Variants in PCDHA10 observed in about 807,000 individuals in gnomAD.
PCDHA10 encodes protocadherin alpha 10.
A neutral mutation model predicts 61.2 loss-of-function variants in PCDHA10; 45 were observed. That is an observed-to-expected ratio of 0.74 (90% CI 0.58 to 0.94). The LOEUF is 0.94. Among genes scored for constraint, PCDHA10 ranks in the 40% least tolerant of loss-of-function variants. The probability of loss-of-function intolerance (pLI) is 0.00; values close to 1 mark genes in which losing one functional copy is unlikely to be tolerated. For synonymous variants in PCDHA10, 602 were observed against 548.8 expected, an observed-to-expected ratio of 1.10 and a Z score of -1.35; for missense variants, 1,278 against 1,236.2, an observed-to-expected ratio of 1.03 and a Z score of -0.51.
At chr5:140,971,743 A>G (rs979953004) in intron 1 of PCDHA10, among the ~76,000 whole-genome samples, 1 of 151,474 alleles carries the variant, frequency 6.6e-6, no homozygotes, top group African/African-American at 2.4e-5. Flanking sequence ...ACACATACAT[A>G]TATCTCATAT....
At chr5:140,882,699 A>C in intron 1 of PCDHA10, 3 of 1,614,184 alleles carry the variant, frequency 1.9e-6, no homozygotes, top group South Asian at 1.1e-5. Context: ...ATCATTGCAG[A>C]ATCTAGACCT....
At chr5:140,982,691 C>G in intron 3 of PCDHA10, 128 bp downstream of exon 3, 1 of 1,408,152 alleles carries the variant, frequency 7.1e-7, no homozygotes, top group Non-Finnish European at 9.3e-7. Flanking sequence ...TTTTTCCATA[C>G]ATACATGATT....
At chr5:141,006,085 C>T (rs1588120524) in intron 3 of PCDHA10, among the ~76,000 whole-genome samples, 1 of 148,094 alleles carries the variant, frequency 6.8e-6, no homozygotes, top group African/African-American at 2.5e-5. Context: ...ATTGAAGGGA[C>T]TTATGTATCA....
In PCDHA10 at chr5:140,857,269, G is replaced by T. The variant is rs375802816; in HGVS notation, c.1221G>T (p.Val407=). 8.1e-6 allele frequency: 13 copies of T among 1,598,726 alleles called. 1 individual carries two copies. The highest frequency in any genetic ancestry group is 1.1e-5 in the South Asian group (1 of 90,558). Residue 407 remains valine (V), a synonymous_variant, in exon 1 of 4, where the codon GTG becomes GTT. Coordinates refer to ENST00000307360, the MANE Select transcript of PCDHA10 (RefSeq NM_018901.4). ...CCTACAAGAATTACTACTCATTGGT[G>T]CTGGACAGCGCTCTGGACCGCGAGA... is the stretch of plus-strand genomic sequence containing the variant. ...VSTYKNYYSL[V]LDSALDRERV... is the part of the protein sequence containing the mutation.
chr5:140,926,890 A>C, intron 1 of PCDHA10: 2 of 1,543,874 alleles, frequency 1.3e-6, no homozygotes, highest in Non-Finnish European at 1.7e-6. Context: ...GCCTAGAGGG[A>C]GGATGGTGGG....
intron 1 of PCDHA10, among the ~76,000 whole-genome samples, chr5:140,959,348 G>A (rs991931151): frequency 7.2e-5 from 11 of 151,992 alleles, no homozygotes; most frequent in Middle Eastern, 6.3e-3. Flanking sequence ...GCACTCCAGC[G>A]GGACAACTGA....
Position 140,857,158 on chromosome 5 carries a change from A to G in PCDHA10, c.1110A>G (p.Leu370=). The G allele has an allele frequency of 6.3e-7, 1 of 1,598,190 alleles. No individual in the cohort carries two copies. Among genetic ancestry groups the G allele is most frequent in the East Asian group, 2.2e-5 (1 of 44,846 alleles). Residue 370 remains leucine (L), a synonymous_variant, in exon 1 of 4, where the codon CTA becomes CTG. Transcript: ENST00000307360. ...CTCAAGTGGGCACCGTCATTGCCCTAATCAGCGTTTCTGACCATGATTCAG... is the reference window on the plus strand; with the variant it reads ...CTCAAGTGGGCACCGTCATTGCCCTGATCAGCGTTTCTGACCATGATTCAG... ...EDAQVGTVIA[L]ISVSDHDSGA... is the part of the protein sequence containing the mutation.
rs150142414 is a variant in PCDHA10, at chr5:140,941,961, T to C, written c.2389-36988T>C. 4.6e-3 allele frequency among the ~76,000 whole-genome samples: 702 copies of C among 152,326 alleles called. 3 individuals are homozygous for C. Among genetic ancestry groups the C allele is most frequent in the African/African-American group, 0.016 (679 of 41,550 alleles). On this transcript the variant is annotated intron_variant, in intron 1 of 3. Transcript: ENST00000307360. Reference sequence around the variant, plus strand: ...TACTTTTGTTTTGAAAACAATAGTATCTTTACTTTCCCTAAACCTTGATAA... The same window carrying C: ...TACTTTTGTTTTGAAAACAATAGTACCTTTACTTTCCCTAAACCTTGATAA...
At chr5:140,948,563 AT>A (rs1400147953) in intron 1 of PCDHA10, among the ~76,000 whole-genome samples, 1 of 151,546 alleles carries the variant, frequency 6.6e-6, no homozygotes, top group East Asian at 1.9e-4. Context: ...GTTAAGTTGT[AT>A]TTTTTAAAGG....
intron 1 of PCDHA10, chr5:140,928,231 CA>C: frequency 6.2e-7 from 1 of 1,614,226 alleles, no homozygotes; most frequent in Non-Finnish European, 8.5e-7. Flanking sequence ...AAACTTTCCT[CA>C]ACCCCAGCAG....
At position 140,857,501 on chromosome 5, in the gene PCDHA10, G is replaced by T; in HGVS notation, c.1453G>T (p.Glu485Ter). The stretch of plus-strand genomic sequence containing the variant: ...GTCTGCGTGGGACGCGGACGCGCAG[G>T]AGAACGCCCTGGTGTCCTACTCTCT... ...TVSAWDADAQENALVSYSLVE... is the reference protein window; with the variant it reads ...TVSAWDADAQ Residue 485 changes from glutamate (E) to a stop codon, truncating the protein, a stop_gained, in exon 1 of 4, where the codon GAG becomes TAG. Transcript: ENST00000307360. LOFTEE classifies it high-confidence loss of function. 6.3e-7 allele frequency: 1 copy of T among 1,598,358 alleles called. No individual in the cohort carries two copies.
intron 1 of PCDHA10, among the ~76,000 whole-genome samples, chr5:140,915,626 G>GTTTCTC (rs149393620): frequency 6.8e-6 from 1 of 146,436 alleles, no homozygotes; most frequent in African/African-American, 2.5e-5. Context: ...GTCTCTTTCT[G>GTTTCTC]TCTCTCTCTC....
intron 1 of PCDHA10, chr5:140,966,814 C>T: frequency 1.9e-6 from 3 of 1,552,444 alleles, no homozygotes; most frequent in East Asian, 2.4e-5. Context: ...ATCCACGGCT[C>T]CGGCGGCCCA....
At position 141,010,334 on chromosome 5, in the gene PCDHA10, T is replaced by C; in HGVS notation, c.*397T>C. On this transcript the variant is annotated 3_prime_UTR_variant, in exon 4 of 4. Transcript: ENST00000307360. The stretch of plus-strand genomic sequence containing the variant: ...TGAGATTGAGCAGCTTGGGAGTTTG[T>C]GGCCACTGGGTATGTGTGGCTACCG... The C allele has an allele frequency of 2.0e-6, 3 of 1,537,004 alleles. No homozygotes were observed. The East Asian group carries it at 7.4e-5, about 38-fold the overall frequency.
At chr5:140,865,235 C>A (rs982582356) in intron 1 of PCDHA10, 2 of 152,098 alleles carry the variant, frequency 1.3e-5, no homozygotes, top group African/African-American at 4.8e-5. Flanking sequence ...CCAGAGAACA[C>A]GTATTTATAG....
intron 1 of PCDHA10, chr5:140,967,882 C>T (rs1323816592): frequency 1.2e-6 from 2 of 1,614,108 alleles, no homozygotes. Context: ...ACCTGTATAG[C>T]CCAGTGCCTG....
At chr5:140,998,130 A>C (rs1226238554) in intron 3 of PCDHA10, among the ~76,000 whole-genome samples, 1 of 152,206 alleles carries the variant, frequency 6.6e-6, no homozygotes, top group Non-Finnish European at 1.5e-5. Context: ...GAATCATAAT[A>C]GCTAACCTGT....
rs1286159283 is a variant in PCDHA10 at position 140,856,342 on chromosome 5, C to G, written c.294C>G (p.Ser98Arg). The G allele has an allele frequency of 5.6e-6, 9 of 1,598,384 alleles. 1 individual carries two copies. In the Admixed American group the frequency reaches 1.3e-4, roughly 24 times the overall value. Residue 98 changes from serine to arginine, a missense_variant, in exon 1 of 4, where the codon AGC becomes AGG. By Grantham distance (110) the Ser-to-Arg change is moderately radical. Transcript: ENST00000307360. ...ACCGCGAGGAGCTGTGCGGGCGGAG[C>G]GTGGAGTGCAGCATCCACCTGGAGG... ...RIDREELCGRSVECSIHLEVI... is the reference protein window; with the variant it reads ...RIDREELCGRRVECSIHLEVI...
intron 1 of PCDHA10, chr5:140,882,226 G>A (rs778262653): frequency 1.3e-6 from 2 of 1,564,150 alleles, no homozygotes; most frequent in Non-Finnish European, 1.7e-6. Context: ...GAGGTAAGGC[G>A]TTGTATATAT....
Sources: allele counts gnomAD v4.1 joint callset (sites outside exome capture counted in the v4.1 genomes callset), GRCh38; gene constraint gnomAD v4.1.1; transcripts MANE v1.5; gene names NCBI Gene and HGNC (gene_info 2026-07-23, HGNC 2026-07-21).